Variants in CEP350 observed in about 807,000 individuals in gnomAD.
The protein encoded by CEP350 is centrosome-associated protein 350.
CEP350 carries 126 observed loss-of-function variants against 331.8 expected under a neutral mutation model. The observed-to-expected ratio is 0.38, with a 90% CI of 0.33 to 0.44. The LOEUF is 0.44. CEP350 is among the 20% of genes least tolerant of loss of function. The probability of loss-of-function intolerance (pLI) is 1.00; values close to 1 mark genes in which losing one functional copy is unlikely to be tolerated. For missense variants in CEP350, 3,406 were observed against 3,634.6 expected (o/e 0.94, Z 1.62); for synonymous variants, 1,200 against 1,259.5 (o/e 0.95, Z 1.00).
intron 25 of CEP350, among the ~76,000 whole-genome samples, chr1:180,061,412 G>A (rs1322887488): frequency 2.0e-5 from 3 of 152,104 alleles, no homozygotes; most frequent in Non-Finnish European, 2.9e-5. Flanking sequence ...GCCTAGGCTA[G>A]TCAACTCCTG....
intron 32 of CEP350, among the ~76,000 whole-genome samples, chr1:180,089,319 C>G (rs1179950320): frequency 6.6e-6 from 1 of 152,166 alleles, no homozygotes; most frequent in African/African-American, 2.4e-5. Context: ...GGCACGGTGG[C>G]TCACGCCTGT....
intron 17 of CEP350, among the ~76,000 whole-genome samples, chr1:180,040,611 A>G (rs1357054160): frequency 6.6e-6 from 1 of 151,074 alleles, no homozygotes; most frequent in Non-Finnish European, 1.5e-5. Context: ...GAAAACCTCT[A>G]TTATTTAGCA....
At chr1:180,090,857 C>T (rs962693224) in intron 33 of CEP350, 61 bp downstream of exon 33, 106 of 1,342,330 alleles carry the variant, frequency 7.9e-5, no homozygotes, top group Non-Finnish European at 9.4e-5. Context: ...TATGCAAAGG[C>T]CTACAAAATT....
intron 37 of CEP350, among the ~76,000 whole-genome samples, chr1:180,106,229 T>C (rs1214839466): frequency 6.6e-6 from 1 of 152,334 alleles, no homozygotes; most frequent in Non-Finnish European, 1.5e-5. Flanking sequence ...TAGCTAATGA[T>C]TGAGTCTCCT....
Position 180,041,252 on chromosome 1 carries a change from A to G in CEP350, c.4221+4A>G. 6.4e-7 allele frequency: 1 copy of G among 1,562,620 alleles called. No homozygotes were observed. Among genetic ancestry groups the G allele is most frequent in the Non-Finnish European group, 8.6e-7 (1 of 1,156,412 alleles). ...AACCCGAAACAAAGCAGCTCAGGTAACTTATTTTGCAGCAGGTTCTTGTTT... is the reference window on the plus strand; with the variant it reads ...AACCCGAAACAAAGCAGCTCAGGTAGCTTATTTTGCAGCAGGTTCTTGTTT... On this transcript the variant is annotated splice_donor_region_variant and intron_variant, in intron 18 of 37. Coordinates refer to ENST00000367607, the MANE Select transcript of CEP350 (RefSeq NM_014810.5).
In CEP350 at chr1:179,997,065, G is replaced by C. The variant is rs757151936; in HGVS notation, c.908G>C (p.Gly303Ala). 17 of 1,613,996 alleles carry C rather than the reference G, an allele frequency of 1.1e-5. No individual in the cohort carries two copies. The highest frequency in any genetic ancestry group is 9.9e-5 in the South Asian group (9 of 91,088). The change falls in exon 6 of 38, where the codon GGC becomes GCC. Residue 303 changes from glycine (G) to alanine (A), a missense_variant. By Grantham distance (60) the Gly-to-Ala change is moderately conservative. Coordinates refer to ENST00000367607, the MANE Select transcript of CEP350 (RefSeq NM_014810.5). ...WEHSEETNGR[G>A]QKLGHIDHPV... ...CACTCAGAAGAAACAAATGGCCGGG[G>C]CCAGAAGCTGGGTCATATTGACCAT... is the stretch of plus-strand genomic sequence containing the variant.
Position 180,019,998 on chromosome 1 carries a change from C to G in CEP350, c.2224C>G (p.Gln742Glu), listed in dbSNP as rs777204975. The G allele has an allele frequency of 4.3e-5, 70 of 1,613,068 alleles. No individual in the cohort carries two copies. The highest frequency in any genetic ancestry group is 5.8e-5 in the Non-Finnish European group (68 of 1,179,524). ...TWMQPERLSP[Q>E]VHHSQPQPFA... ...GATGCAGCCTGAAAGATTGAGCCCA[C>G]AAGTTCACCATTCTCAACCACAGCC... The change falls in exon 12 of 38, where the codon CAA (glutamine) becomes GAA (glutamate). Residue 742 changes from glutamine to glutamate, a missense_variant. This residue lies in a region of CEP350 where 1,857 missense variants were observed against 1,909.2 expected (regional missense o/e 0.97). Coordinates refer to ENST00000367607, the MANE Select transcript of CEP350 (RefSeq NM_014810.5).
At position 180,095,529 on chromosome 1, in the gene CEP350, C is replaced by T. The variant is rs749269116; in HGVS notation, c.8518C>T (p.Pro2840Ser). ...SPDMCPRPES[P>S]VFGASGQEEL... Reference sequence around the variant, plus strand: ...AATGGTTCCATTTCTATAGGAGAGCCCAGTATTTGGTGCCAGTGGGCAGGA... The same window carrying T: ...AATGGTTCCATTTCTATAGGAGAGCTCAGTATTTGGTGCCAGTGGGCAGGA... Residue 2840 changes from proline (P) to serine (S), a missense_variant, in exon 35 of 38, where the codon CCA becomes TCA. Transcript: ENST00000367607. 2 of 1,613,056 alleles carry T rather than the reference C, an allele frequency of 1.2e-6. No homozygotes were observed. Among genetic ancestry groups the T allele is most frequent in the South Asian group, 1.1e-5 (1 of 91,024 alleles).
intron 13 of CEP350, 62 bp downstream of exon 13, chr1:180,022,910 C>G (rs1558108029): frequency 3.4e-6 from 5 of 1,468,494 alleles, no homozygotes; most frequent in Non-Finnish European, 3.7e-6. Context: ...CAAATGAGAA[C>G]TCTGGTCTGA....
rs35720901 is a variant in CEP350, at chr1:180,094,310, G to A, written c.8205G>A (p.Lys2735=). 6.2e-7 allele frequency: 1 copy of A among 1,613,866 alleles called. No homozygotes were observed. The highest frequency in any genetic ancestry group is 2.2e-5 in the East Asian group (1 of 44,872). Residue 2735 remains lysine, a synonymous_variant, in exon 34 of 38, where the codon AAG becomes AAA. Coordinates refer to ENST00000367607, the MANE Select transcript of CEP350 (RefSeq NM_014810.5). ...REKNQLEAQL[K]SSLNEEKKSK... ...AAAACCAACTGGAAGCCCAGCTGAA[G>A]TCATCACTAAATGAGGAAAAAAAGT... is the stretch of plus-strand genomic sequence containing the variant.
intron 32 of CEP350, among the ~76,000 whole-genome samples, chr1:180,089,100 T>G (rs1241485821): frequency 6.6e-6 from 1 of 152,186 alleles, no homozygotes; most frequent in Non-Finnish European, 1.5e-5. Context: ...CTTAAGCTAC[T>G]GAAGGATTTT....
At position 180,090,800 on chromosome 1, in the gene CEP350, T is replaced by A; in HGVS notation, c.6508+4T>A. 1 of 1,533,596 alleles carries A rather than the reference T, an allele frequency of 6.5e-7. No homozygotes were observed. Among genetic ancestry groups the A allele is most frequent in the Non-Finnish European group, 8.8e-7 (1 of 1,137,718 alleles). The allele number at this position is 1,533,596 out of a possible 1,614,324, so 95.0% of individuals were successfully genotyped here. A position where few individuals can be genotyped will look rare whatever the true frequency, so the allele number is the denominator to read the frequency against. Reference sequence around the variant, plus strand: ...GAGTCTATTGCTGAACATGTTGGTATGTAACTAGAAAAAATAATTAACTTG... The same window carrying A: ...GAGTCTATTGCTGAACATGTTGGTAAGTAACTAGAAAAAATAATTAACTTG... On this transcript the variant is annotated splice_donor_region_variant and intron_variant, in intron 33 of 37. Coordinates refer to ENST00000367607, the MANE Select transcript of CEP350 (RefSeq NM_014810.5).
At chr1:180,001,170 T>C (rs1653846180) in intron 6 of CEP350, among the ~76,000 whole-genome samples, 1 of 152,248 alleles carries the variant, frequency 6.6e-6, no homozygotes, top group African/African-American at 2.4e-5. Context: ...TACAAATCTT[T>C]ATACTACTTT....
At chr1:179,979,199 G>A (rs774292630) in intron 1 of CEP350, among the ~76,000 whole-genome samples, 8 of 151,972 alleles carry the variant, frequency 5.3e-5, no homozygotes, top group Non-Finnish European at 1.0e-4. Context: ...GTATGTAAGA[G>A]TTCCTTTTTC....
Position 180,046,377 on chromosome 1 carries a change from T to G in CEP350, c.4623-2159T>G, listed in dbSNP as rs77435384. 5.9e-3 allele frequency among the ~76,000 whole-genome samples: 892 copies of G among 152,358 alleles called. 12 individuals are homozygous for G. The highest frequency in any genetic ancestry group is 0.021 in the African/African-American group (860 of 41,578). The stretch of plus-strand genomic sequence containing the variant: ...AACTGACTTCTTTCACTTAGCATGA[T>G]GTTTTCAAGTTTCATGCATGTTGTA... On this transcript the variant is annotated intron_variant, in intron 21 of 37. Transcript: ENST00000367607.
chr1:179,974,323 G>A (rs547481816), intron 1 of CEP350, among the ~76,000 whole-genome samples: 8 of 152,114 alleles, frequency 5.3e-5, no homozygotes, highest in Admixed American at 3.9e-4. Flanking sequence ...CTTGTGATCC[G>A]CCTGCCTTGG....
chr1:180,051,904 A>C (rs1657525144), intron 22 of CEP350, among the ~76,000 whole-genome samples: 1 of 152,216 alleles, frequency 6.6e-6, no homozygotes, highest in Non-Finnish European at 1.5e-5. Context: ...GGGTTTGAAC[A>C]AATAAGTAAA....
intron 6 of CEP350, among the ~76,000 whole-genome samples, chr1:179,999,021 T>C (rs1180215681): frequency 6.6e-6 from 1 of 152,148 alleles, no homozygotes; most frequent in Non-Finnish European, 1.5e-5. Flanking sequence ...ATCCATACTA[T>C]TGGCACAGCA....
intron 25 of CEP350, among the ~76,000 whole-genome samples, chr1:180,057,564 A>T (rs1657938954): frequency 6.7e-6 from 1 of 148,252 alleles, no homozygotes; most frequent in Non-Finnish European, 1.5e-5. Context: ...TTGCATGCCT[A>T]GTAATTTTTT....
Sources: gnomAD v4.1 joint callset for allele counts (sites outside exome capture counted in the v4.1 genomes callset) on GRCh38, gnomAD v4.1.1 for gene constraint, gnomAD v4.1.1 regional missense constraint, MANE v1.5 for transcripts, NCBI Gene and HGNC (gene_info 2026-07-23, HGNC 2026-07-21) for gene names.